The following TNKS variants were observed in gnomAD, a reference collection of about 807,000 sequenced individuals.
TNKS encodes the protein poly [ADP-ribose] polymerase tankyrase-1.
In TNKS, 72 loss-of-function variants were observed where a neutral mutation model predicts 135.8. That is an observed-to-expected ratio of 0.53 (90% CI 0.44 to 0.64). The LOEUF is 0.64. Among genes scored for constraint, TNKS ranks in the 30% least tolerant of loss-of-function variants. The pLI, the probability that TNKS is intolerant of heterozygous loss-of-function variation, is 0.00. For synonymous variants in TNKS, 849 were observed against 649.3 expected, an observed-to-expected ratio of 1.31 and a Z score of -4.68; for missense variants, 1,769 against 1,674.0, an observed-to-expected ratio of 1.06 and a Z score of -0.99.
At chr8:9,580,434 T>C in intron 2 of TNKS, 51 bp downstream of exon 2, 1 of 1,531,630 alleles carries the variant, frequency 6.5e-7, no homozygotes, top group Non-Finnish European at 8.9e-7. Context: ...TTATTCTTAC[T>C]TTTTTTGTGG....
At chr8:9,575,831 C>G (rs4128199) in intron 1 of TNKS, among the ~76,000 whole-genome samples, 37,485 of 152,094 alleles carry the variant, frequency 0.25, 4,823 homozygotes, top group East Asian at 0.38. Context: ...AAAACTTCAA[C>G]TGACTTAAAG....
chr8:9,775,310 G>T (rs1421287299), intron 26 of TNKS, among the ~76,000 whole-genome samples: 1 of 151,524 alleles, frequency 6.6e-6, no homozygotes, highest in African/African-American at 2.4e-5. Flanking sequence ...TAAAAGTACA[G>T]ACTGGTTACT....
intron 2 of TNKS, among the ~76,000 whole-genome samples, chr8:9,599,583 C>T (rs1169296550): frequency 3.3e-5 from 5 of 152,162 alleles, no homozygotes; most frequent in African/African-American, 9.7e-5. Context: ...TACTTTGTTA[C>T]ACTCAATCTT....
chr8:9,596,930 A>G (rs749980849), intron 2 of TNKS, among the ~76,000 whole-genome samples: 2 of 152,232 alleles, frequency 1.3e-5, no homozygotes, highest in Non-Finnish European at 2.9e-5. Context: ...AAGCGTTCCC[A>G]CAGGGGAACT....
At chr8:9,642,374 C>T (rs1218003295) in intron 3 of TNKS, among the ~76,000 whole-genome samples, 3 of 146,312 alleles carry the variant, frequency 2.1e-5, no homozygotes, top group Non-Finnish European at 4.5e-5. Flanking sequence ...TACATAGTCA[C>T]AAATTAGAAA....
At chr8:9,766,481 G>GTATT in intron 25 of TNKS, 56 bp downstream of exon 25, 1 of 796,320 alleles carries the variant, frequency 1.3e-6, no homozygotes, top group Non-Finnish European at 1.7e-6. Flanking sequence ...GAACCAAATT[G>GTATT]TCTTTTTTTT....
intron 3 of TNKS, 181 bp from the exon 4 acceptor site, chr8:9,679,770 G>A (rs1012311684): frequency 2.9e-5 from 15 of 509,638 alleles, no homozygotes; most frequent in African/African-American, 2.5e-4. Context: ...TTTGCTGCCC[G>A]TCTCCAAGGC....
intron 2 of TNKS, among the ~76,000 whole-genome samples, chr8:9,591,736 A>G (rs1037807832): frequency 2.0e-5 from 3 of 152,184 alleles, no homozygotes; most frequent in Non-Finnish European, 4.4e-5. Flanking sequence ...TGGTATCTGT[A>G]TACAGGCAAA....
At chr8:9,576,795 A>G (rs893273541) in intron 1 of TNKS, among the ~76,000 whole-genome samples, 2 of 152,152 alleles carry the variant, frequency 1.3e-5, no homozygotes, top group Admixed American at 1.3e-4. Context: ...CCACTAATAT[A>G]GATTGAACCA....
intron 26 of TNKS, among the ~76,000 whole-genome samples, chr8:9,773,880 A>G (rs1319955592): frequency 2.0e-5 from 3 of 152,118 alleles, no homozygotes; most frequent in Non-Finnish European, 4.4e-5. Flanking sequence ...GTTTTTGCTA[A>G]TTTTATAGGG....
intron 3 of TNKS, among the ~76,000 whole-genome samples, chr8:9,652,091 TAGCTTTTTATA>T (rs1801168256): frequency 6.6e-6 from 1 of 152,218 alleles, no homozygotes; most frequent in Non-Finnish European, 1.5e-5. Context: ...ACTTTCATCA[TAGCTTTTTATA>T]ATTACTGACA....
chr8:9,611,044 G>T (rs1247316031), intron 2 of TNKS, among the ~76,000 whole-genome samples: 2 of 152,156 alleles, frequency 1.3e-5, no homozygotes, highest in African/African-American at 4.8e-5. Context: ...TACCAGAAAT[G>T]GGAAAATCGT....
At chr8:9,709,918 A>T in intron 9 of TNKS, 37 bp from the exon 10 acceptor site, 1 of 1,500,402 alleles carries the variant, frequency 6.7e-7, no homozygotes, top group Non-Finnish European at 9.3e-7. Context: ...TACATATGGA[A>T]GTGTATTTTA....
intron 2 of TNKS, among the ~76,000 whole-genome samples, chr8:9,584,278 G>A (rs1158908921): frequency 6.6e-6 from 1 of 151,744 alleles, no homozygotes; most frequent in Non-Finnish European, 1.5e-5. Context: ...TTTAAACTGT[G>A]GGCACTCCTT....
At chr8:9,615,708 T>C in intron 3 of TNKS, 31 bp downstream of exon 3, 2 of 1,542,962 alleles carry the variant, frequency 1.3e-6, no homozygotes, top group Non-Finnish European at 1.8e-6. Flanking sequence ...CGAATGATTA[T>C]ATCTGTGTAA....
chr8:9,679,392 C>T lies in TNKS; in HGVS notation c.995-559C>T, dbSNP rs139678359. Among the ~76,000 whole-genome samples, 322 of 152,302 alleles carry T rather than the reference C, an allele frequency of 2.1e-3. 6 individuals are homozygous for T. In the East Asian group the frequency reaches 0.04, roughly 19 times the overall value. Reference sequence around the variant, plus strand: ...ACGTAGTTCACGTATTTCTAGTCTACAGACCTTGCCTATCGAGTCAAAGCC... The same window carrying T: ...ACGTAGTTCACGTATTTCTAGTCTATAGACCTTGCCTATCGAGTCAAAGCC... On this transcript the variant is annotated intron_variant, in intron 3 of 26. Coordinates refer to ENST00000310430, the MANE Select transcript of TNKS (RefSeq NM_003747.3).
At chr8:9,641,652 T>A (rs1245218334) in intron 3 of TNKS, among the ~76,000 whole-genome samples, 1 of 145,480 alleles carries the variant, frequency 6.9e-6, no homozygotes, top group Non-Finnish European at 1.5e-5. Flanking sequence ...AATGTATTTT[T>A]TTTTTATGTG....
At chr8:9,655,322 C>T (rs1003929939) in intron 3 of TNKS, among the ~76,000 whole-genome samples, 1 of 152,224 alleles carries the variant, frequency 6.6e-6, no homozygotes, top group Non-Finnish European at 1.5e-5. Flanking sequence ...GGGGGCAGGG[C>T]ACAGACAAAC....
At chr8:9,583,945 A>G (rs961997927) in intron 2 of TNKS, among the ~76,000 whole-genome samples, 1 of 151,626 alleles carries the variant, frequency 6.6e-6, no homozygotes, top group African/African-American at 2.4e-5. Flanking sequence ...TGGGTGGATC[A>G]CGAGGTCAGG....
Sources: gnomAD v4.1 joint callset for allele counts (sites outside exome capture counted in the v4.1 genomes callset) on GRCh38, gnomAD v4.1.1 for gene constraint, MANE v1.5 for transcripts, NCBI Gene and HGNC (gene_info 2026-07-23, HGNC 2026-07-21) for gene names.